IRAG1: variants seen among roughly 807,000 people sequenced by gnomAD.
IRAG1 encodes inositol 1,4,5-triphosphate receptor associated 1.
Under a neutral mutation model 106.2 loss-of-function variants are expected in IRAG1, and 62 were observed. The observed-to-expected ratio is 0.58, with a 90% CI of 0.48 to 0.72. IRAG1 has a LOEUF of 0.72. IRAG1 is among the 30% of genes least tolerant of loss of function. The pLI is 0.00. For synonymous variants in IRAG1, 462 were observed against 443.9 expected, an observed-to-expected ratio of 1.04 and a Z score of -0.51; for missense variants, 1,064 against 1,140.7, an observed-to-expected ratio of 0.93 and a Z score of 0.97.
chr11:10,676,192 A>G (rs1456981926), intron 1 of IRAG1, among the ~76,000 whole-genome samples: 1 of 152,250 alleles, frequency 6.6e-6, no homozygotes, highest in Non-Finnish European at 1.5e-5. Flanking sequence ...CGCAGGACAC[A>G]GAAAGTGATG....
At chr11:10,580,934 C>T (rs990333476) in intron 19 of IRAG1, among the ~76,000 whole-genome samples, 1 of 152,156 alleles carries the variant, frequency 6.6e-6, no homozygotes, top group African/African-American at 2.4e-5. Context: ...GCTTCAGCCT[C>T]TCATCTGTAA....
intron 1 of IRAG1, among the ~76,000 whole-genome samples, chr11:10,655,504 A>G (rs1333198310): frequency 6.6e-6 from 1 of 152,204 alleles, no homozygotes; most frequent in African/African-American, 2.4e-5. Context: ...ACGACCTTCT[A>G]GTGGTTGGAA....
intron 10 of IRAG1, among the ~76,000 whole-genome samples, chr11:10,612,140 T>C (rs1855018160): frequency 6.6e-6 from 1 of 152,182 alleles, no homozygotes; most frequent in Admixed American, 6.5e-5. Context: ...TGAAAAACAG[T>C]GGCTAAACTC....
At chr11:10,669,761 C>A (rs1442767119) in intron 1 of IRAG1, among the ~76,000 whole-genome samples, 1 of 152,164 alleles carries the variant, frequency 6.6e-6, no homozygotes, top group Non-Finnish European at 1.5e-5. Context: ...CTTGCAGACA[C>A]CCCCATGGGA....
intron 1 of IRAG1, among the ~76,000 whole-genome samples, chr11:10,687,337 T>C (rs573054461): frequency 6.6e-6 from 1 of 152,208 alleles, no homozygotes; most frequent in African/African-American, 2.4e-5. Context: ...CCTGCATGAA[T>C]AGCTCAGCCC....
At chr11:10,635,521 G>A (rs931985414) in intron 2 of IRAG1, among the ~76,000 whole-genome samples, 2 of 152,228 alleles carry the variant, frequency 1.3e-5, no homozygotes, top group Non-Finnish European at 2.9e-5. Flanking sequence ...CACTGGCGGT[G>A]GGAGCTGCCA....
At chr11:10,680,221 A>T (rs868147196) in intron 1 of IRAG1, among the ~76,000 whole-genome samples, 3 of 144,384 alleles carry the variant, frequency 2.1e-5, no homozygotes, top group Non-Finnish European at 4.6e-5. Context: ...TGCAGTGAGC[A>T]GAGATTACAC....
Position 10,603,229 on chromosome 11 carries a change from T to C in IRAG1, c.1766A>G (p.His589Arg). 1 of 1,613,358 alleles carries C rather than the reference T, an allele frequency of 6.2e-7. No homozygotes were observed. Reference protein sequence around the residue: ...SITSSASLWHHCEHRETYQKL... With the variant: ...SITSSASLWHRCEHRETYQKL... ...CTGGTAGGTTTCCCGGTGCTCACAG[T>C]GGTGCCAGAGTGAAGCTGAGGACTG... is the stretch of plus-strand genomic sequence containing the variant. The change falls in exon 14 of 21, where the codon CAC (histidine) becomes CGC (arginine). Residue 589 changes from histidine (H) to arginine (R), a missense_variant. Physicochemically the swap from His to Arg is conservative, Grantham distance 29. Transcript: ENST00000423302.
intron 1 of IRAG1, among the ~76,000 whole-genome samples, chr11:10,692,521 C>T (rs990758099): frequency 3.5e-5 from 5 of 142,790 alleles, no homozygotes; most frequent in African/African-American, 1.3e-4. Flanking sequence ...GTCATCGTCC[C>T]TCGGTGGGGG....
chr11:10,680,607 G>A (rs1271613087), intron 1 of IRAG1, among the ~76,000 whole-genome samples: 1 of 152,012 alleles, frequency 6.6e-6, no homozygotes, highest in Non-Finnish European at 1.5e-5. Flanking sequence ...ACCCTCTTAG[G>A]TTAGAGGGTG....
At chr11:10,596,326 G>A (rs1853306518) in intron 15 of IRAG1, among the ~76,000 whole-genome samples, 1 of 152,172 alleles carries the variant, frequency 6.6e-6, no homozygotes, top group South Asian at 2.1e-4. Flanking sequence ...TCTCTAGATT[G>A]ACAGTTATTT....
intron 18 of IRAG1, among the ~76,000 whole-genome samples, chr11:10,585,610 C>T (rs945116532): frequency 2.6e-5 from 4 of 152,038 alleles, no homozygotes; most frequent in Non-Finnish European, 5.9e-5. Flanking sequence ...TTTAGCTCTT[C>T]TTATCATTGG....
chr11:10,589,902 T>G (rs1045190090), intron 18 of IRAG1, among the ~76,000 whole-genome samples: 1 of 152,150 alleles, frequency 6.6e-6, no homozygotes, highest in Non-Finnish European at 1.5e-5. Context: ...GTTTTCATGA[T>G]CCCCACTGCC....
intron 17 of IRAG1, among the ~76,000 whole-genome samples, chr11:10,592,103 C>G (rs1405346394): frequency 6.6e-6 from 1 of 152,172 alleles, no homozygotes; most frequent in Non-Finnish European, 1.5e-5. Flanking sequence ...ATACGTTCCC[C>G]AGGATTTCCA....
At chr11:10,676,163 C>G (rs1288709975) in intron 1 of IRAG1, among the ~76,000 whole-genome samples, 1 of 152,196 alleles carries the variant, frequency 6.6e-6, no homozygotes, top group African/African-American at 2.4e-5. Flanking sequence ...CGCTTTGCCT[C>G]CCTAAGAGAT....
chr11:10,624,724 T>A (rs1196539805), intron 9 of IRAG1, among the ~76,000 whole-genome samples: 5 of 152,108 alleles, frequency 3.3e-5, no homozygotes, highest in African/African-American at 1.2e-4. Context: ...CCACAGCCCA[T>A]CAGCTTCAGC....
intron 16 of IRAG1, 120 bp from the exon 17 acceptor site, chr11:10,593,719 G>T: frequency 1.3e-6 from 1 of 789,876 alleles, no homozygotes; most frequent in Non-Finnish European, 2.0e-6. Flanking sequence ...GGATATTTTG[G>T]TTTTGCAGTA....
chr11:10,692,900 C>T (rs987014214), intron 1 of IRAG1, among the ~76,000 whole-genome samples: 10 of 152,310 alleles, frequency 6.6e-5, no homozygotes, highest in South Asian at 2.1e-4. Flanking sequence ...AACTCGGAGC[C>T]CTGGAGGTGA....
chr11:10,606,888 G>T, intron 11 of IRAG1, 116 bp from the exon 12 acceptor site: 1 of 950,908 alleles, frequency 1.1e-6, no homozygotes, highest in South Asian at 1.9e-5. Flanking sequence ...CTGTGTTGGT[G>T]AGAAGGAAAA....
Sources: gnomAD v4.1 joint callset for allele counts (sites outside exome capture counted in the v4.1 genomes callset) on GRCh38, gnomAD v4.1.1 for gene constraint, MANE v1.5 for transcripts, NCBI Gene and HGNC (gene_info 2026-07-23, HGNC 2026-07-21) for gene names.